Variants in ADAM22 observed in about 807,000 individuals in gnomAD.
The protein encoded by ADAM22 is ADAM metallopeptidase domain 22, also known as disintegrin and metalloproteinase domain-containing protein 22.
A neutral mutation model predicts 144.6 loss-of-function variants in ADAM22; 65 were observed. The ratio of observed to expected loss-of-function variants is 0.45; its 90% CI spans 0.37 to 0.55. The LOEUF is 0.55. ADAM22 is among the 20% of genes least tolerant of loss of function. The probability of loss-of-function intolerance (pLI) is 0.00; values close to 1 mark genes in which losing one functional copy is unlikely to be tolerated. For missense variants in ADAM22, 974 were observed against 1,184.9 expected, an observed-to-expected ratio of 0.82 and a Z score of 2.61; for synonymous variants, 391 against 412.6, an observed-to-expected ratio of 0.95 and a Z score of 0.63.
chr7:87,966,733 T>TG lies in ADAM22; in HGVS notation c.247-11603_247-11602insG, dbSNP rs1562874273. The stretch of plus-strand genomic sequence containing the variant: ...TCCAAGGAAAGCCGTTTTTTTTTTT[T>TG]TTTTTTTTTTTTTTTTTTTGTGGCA... On this transcript the variant is annotated intron_variant, in intron 2 of 31. Transcript: ENST00000413139. Among the ~76,000 whole-genome samples the TG allele has an allele frequency of 2.5e-4, 33 of 130,942 alleles. 1 individual carries two copies. The highest frequency in any genetic ancestry group is 9.5e-4 in the African/African-American group (33 of 34,840). The allele number at this position is 130,942 out of a possible 152,430, so 85.9% of individuals were successfully genotyped here.
At chr7:88,069,876 G>C (rs4546590) in intron 3 of ADAM22, among the ~76,000 whole-genome samples, 1 of 152,158 alleles carries the variant, frequency 6.6e-6, no homozygotes, top group African/African-American at 2.4e-5. Context: ...TACTGAATCA[G>C]GTATGTCACT....
intron 3 of ADAM22, among the ~76,000 whole-genome samples, chr7:88,053,034 C>T (rs1374676310): frequency 6.6e-6 from 1 of 152,074 alleles, no homozygotes; most frequent in Non-Finnish European, 1.5e-5. Context: ...TCCTTTACAT[C>T]TCTGTCCTCC....
chr7:88,027,554 A>T (rs1799275558), intron 3 of ADAM22, among the ~76,000 whole-genome samples: 1 of 152,074 alleles, frequency 6.6e-6, no homozygotes, highest in South Asian at 2.1e-4. Context: ...TTATCCTTTG[A>T]ATTTCTGCAG....
intron 2 of ADAM22, among the ~76,000 whole-genome samples, chr7:87,962,383 C>T (rs1848186991): frequency 6.6e-6 from 1 of 152,160 alleles, no homozygotes; most frequent in Non-Finnish European, 1.5e-5. Context: ...AGGTGCCAAA[C>T]ATTGGGACTA....
intron 30 of ADAM22, among the ~76,000 whole-genome samples, chr7:88,187,180 A>C (rs996623327): frequency 6.6e-6 from 1 of 152,222 alleles, no homozygotes; most frequent in Non-Finnish European, 1.5e-5. Context: ...TACTTGGAGT[A>C]GAAACAATGA....
chr7:88,134,406 A>G lies in ADAM22; in HGVS notation c.1155A>G (p.Arg385=), dbSNP rs372148981. 8.7e-6 allele frequency: 14 copies of G among 1,608,956 alleles called. No individual in the cohort carries two copies. In the African/African-American group the frequency reaches 1.7e-4, roughly 20 times the overall value. Residue 385 remains arginine, a synonymous_variant, in exon 13 of 32, where the codon AGA becomes AGG. Transcript: ENST00000413139. The part of the protein sequence containing the change: ...AHNIGIISDK[R]KLASGECKCE... ...ATATTGGTATTATCTCAGACAAAAGAAAGTTAGCAAGTGGTAAGTTTTAGT... is the reference window on the plus strand; with the variant it reads ...ATATTGGTATTATCTCAGACAAAAGGAAGTTAGCAAGTGGTAAGTTTTAGT...
chr7:87,995,986 C>A (rs1044487578), intron 3 of ADAM22, among the ~76,000 whole-genome samples: 1 of 152,206 alleles, frequency 6.6e-6, no homozygotes, highest in Non-Finnish European at 1.5e-5. Flanking sequence ...TCCTGCTGAG[C>A]CCTCTGTAAC....
chr7:87,980,305 G>A, intron 3 of ADAM22, among the ~76,000 whole-genome samples: 1 of 28,192 alleles, frequency 3.5e-5, no homozygotes. Context: ...TTTTTGCCTG[G>A]GATCGATGTT....
At chr7:88,006,286 G>GACCAGATGGATTCACAGCCGAATTCT (rs1793829853) in intron 3 of ADAM22, among the ~76,000 whole-genome samples, 1 of 152,106 alleles carries the variant, frequency 6.6e-6, no homozygotes, top group Non-Finnish European at 1.5e-5. Flanking sequence ...AAGTGTCCAG[G>GACCAGATGGATTCACAGCCGAATTCT]ACCAGATGGA....
rs1355633712 is a variant in ADAM22, at chr7:88,200,262, C to A, written c.*3771C>A. Reference sequence around the variant, plus strand: ...ATATATATAGTACTTTAAATATTTTCTTATGTTATTATTTAACACAATAAT... The same window carrying A: ...ATATATATAGTACTTTAAATATTTTATTATGTTATTATTTAACACAATAAT... On this transcript the variant is annotated 3_prime_UTR_variant, in exon 32 of 32. Transcript: ENST00000413139. The A allele has an allele frequency of 6.6e-6, 1 of 152,048 alleles. No homozygotes were observed. The highest frequency in any genetic ancestry group is 1.9e-4 in the East Asian group (1 of 5,192). The allele number at this position is 152,048 out of a possible 1,614,324, so 9.4% of individuals were successfully genotyped here. A position where few individuals can be genotyped will look rare whatever the true frequency, so the allele number is the denominator to read the frequency against.
At chr7:87,936,624 C>G (rs572986432) in intron 2 of ADAM22, among the ~76,000 whole-genome samples, 1 of 152,120 alleles carries the variant, frequency 6.6e-6, no homozygotes, top group East Asian at 1.9e-4. Context: ...CTTTCCCTCT[C>G]TATATTGTAT....
intron 2 of ADAM22, among the ~76,000 whole-genome samples, chr7:87,965,911 G>C (rs754870421): frequency 6.6e-6 from 1 of 152,216 alleles, no homozygotes; most frequent in Non-Finnish European, 1.5e-5. Context: ...ATTCATGTGA[G>C]AGTGTAGTGG....
chr7:88,097,923 A>G lies in ADAM22; in HGVS notation c.391-10253A>G, dbSNP rs139388661. Among the ~76,000 whole-genome samples, 536 of 152,318 alleles carry G rather than the reference A, an allele frequency of 3.5e-3. 5 individuals are homozygous for G. Among genetic ancestry groups the G allele is most frequent in the African/African-American group, 0.012 (507 of 41,576 alleles). On this transcript the variant is annotated intron_variant, in intron 4 of 31. Transcript: ENST00000413139. ...TAATTTCATGAGTTTGTAATTATAT[A>G]GTAATTATATATTATGTGGTCCACA...
intron 15 of ADAM22, 67 bp from the exon 16 acceptor site, chr7:88,145,058 A>G: frequency 7.1e-7 from 1 of 1,413,016 alleles, no homozygotes; most frequent in Non-Finnish European, 9.9e-7. Context: ...TATGGCACTT[A>G]TGGTCTCTCA....
chr7:88,008,468 C>T (rs1407829601), intron 3 of ADAM22, among the ~76,000 whole-genome samples: 265 of 151,854 alleles, frequency 1.7e-3, no homozygotes, highest in East Asian at 7.1e-3. Flanking sequence ...TATTGCAGCA[C>T]TATTCACAAT....
rs913549609 is a variant in ADAM22 at position 88,200,742 on chromosome 7, G to C, written c.*4251G>C. The stretch of plus-strand genomic sequence containing the variant: ...AAGAAGTAAACACTTCCGTGGAATA[G>C]GGCTTAATTTGGGGCTCAAATGTTT... On this transcript the variant is annotated 3_prime_UTR_variant, in exon 32 of 32. Coordinates refer to ENST00000413139, the MANE Select transcript of ADAM22 (RefSeq NM_001324418.2). 6 of 152,194 alleles carry C rather than the reference G, an allele frequency of 3.9e-5. No homozygotes were observed. Among genetic ancestry groups the C allele is most frequent in the African/African-American group, 1.2e-4 (5 of 41,446 alleles). 9.4% of individuals were successfully genotyped at this position (152,194 alleles called of 1,614,324 possible). A position where few individuals can be genotyped will look rare whatever the true frequency, so the allele number is the denominator to read the frequency against.
intron 4 of ADAM22, among the ~76,000 whole-genome samples, chr7:88,084,702 A>T (rs1233846222): frequency 1.3e-5 from 2 of 152,138 alleles, no homozygotes; most frequent in Non-Finnish European, 2.9e-5. Flanking sequence ...AACGTTTTAT[A>T]TTTTTTCCTT....
At chr7:88,114,099 A>C (rs1051386385) in intron 5 of ADAM22, among the ~76,000 whole-genome samples, 2 of 152,042 alleles carry the variant, frequency 1.3e-5, no homozygotes, top group Admixed American at 1.3e-4. Flanking sequence ...AAGTTGTTCA[A>C]ATGTGTTAGC....
Position 88,077,379 on chromosome 7 carries a change from T to G in ADAM22, c.390+1687T>G, listed in dbSNP as rs115336192. ...AATGAGGGTCGGGAGCCAAGATGGC[T>G]GAATAGAACAGCTCCAGTCTACAGC... is the stretch of plus-strand genomic sequence containing the variant. On this transcript the variant is annotated intron_variant, in intron 4 of 31. Transcript: ENST00000413139. Among the ~76,000 whole-genome samples the G allele has an allele frequency of 2.8e-3, 431 of 152,278 alleles. 2 individuals are homozygous for G. The highest frequency in any genetic ancestry group is 0.01 in the African/African-American group (416 of 41,570).
Sources: allele counts gnomAD v4.1 joint callset (sites outside exome capture counted in the v4.1 genomes callset), GRCh38; gene constraint gnomAD v4.1.1; transcripts MANE v1.5; gene names NCBI Gene and HGNC (gene_info 2026-07-23, HGNC 2026-07-21).